INPP4B: variants seen among roughly 807,000 people sequenced by gnomAD.
INPP4B encodes inositol polyphosphate-4-phosphatase type II B, also known as inositol polyphosphate 4-phosphatase type II.
In INPP4B, 55 loss-of-function variants were observed where a neutral mutation model predicts 122.5. That is an observed-to-expected ratio of 0.45 (90% CI 0.36 to 0.56). INPP4B has a LOEUF of 0.56. Ranked by LOEUF, INPP4B falls within the 20% of genes least tolerant of loss-of-function variation. The probability of loss-of-function intolerance (pLI) is 0.00; values close to 1 mark genes in which losing one functional copy is unlikely to be tolerated. For synonymous variants in INPP4B, 403 were observed against 388.7 expected (o/e 1.04, Z -0.43); for missense variants, 1,000 against 1,097.7 (o/e 0.91, Z 1.26).
At chr4:142,268,103 C>G (rs1743711901) in intron 10 of INPP4B, among the ~76,000 whole-genome samples, 2 of 151,408 alleles carry the variant, frequency 1.3e-5, no homozygotes. Flanking sequence ...ACAGGCAGAT[C>G]ACGAAATCAG....
At chr4:142,064,858 A>T (rs1217742971) in intron 25 of INPP4B, among the ~76,000 whole-genome samples, 1 of 152,218 alleles carries the variant, frequency 6.6e-6, no homozygotes, top group Non-Finnish European at 1.5e-5. Context: ...AGTCAAAGTG[A>T]TTTGAAAACT....
chr4:142,350,420 A>G (rs982497278), intron 7 of INPP4B, among the ~76,000 whole-genome samples: 2 of 151,958 alleles, frequency 1.3e-5, no homozygotes, highest in African/African-American at 4.8e-5. Context: ...TTCTTTGGTA[A>G]AACAAAAAAC....
intron 2 of INPP4B, among the ~76,000 whole-genome samples, chr4:142,623,355 A>G (rs1211405214): frequency 6.6e-6 from 1 of 151,826 alleles, no homozygotes; most frequent in Non-Finnish European, 1.5e-5. Flanking sequence ...GTGAACCCTT[A>G]GCACCATGCC....
intron 2 of INPP4B, among the ~76,000 whole-genome samples, chr4:142,635,143 A>C (rs1748826446): frequency 6.6e-6 from 1 of 152,170 alleles, no homozygotes; most frequent in Non-Finnish European, 1.5e-5. Flanking sequence ...AATGCAAATC[A>C]AAACCACTAT....
At chr4:142,029,974 T>TTAG in intron 25 of INPP4B, 1 of 1,380,174 alleles carries the variant, frequency 7.2e-7, no homozygotes, top group Non-Finnish European at 9.4e-7. Flanking sequence ...GCATAGTACT[T>TTAG]TTTGTTTTTT....
intron 1 of INPP4B, among the ~76,000 whole-genome samples, chr4:142,804,508 A>C (rs1465972011): frequency 1.3e-5 from 2 of 152,168 alleles, no homozygotes; most frequent in Non-Finnish European, 2.9e-5. Flanking sequence ...AGTAAGGCTT[A>C]TGCTGACCAT....
chr4:142,309,466 A>C (rs958794024), intron 8 of INPP4B, among the ~76,000 whole-genome samples: 1 of 152,178 alleles, frequency 6.6e-6, no homozygotes, highest in East Asian at 1.9e-4. Flanking sequence ...TAGATTACAT[A>C]GGATGTTTAA....
At chr4:142,844,339 G>A (rs1316824839) in intron 1 of INPP4B, among the ~76,000 whole-genome samples, 1 of 152,210 alleles carries the variant, frequency 6.6e-6, no homozygotes, top group Non-Finnish European at 1.5e-5. Context: ...AATAAGAGCA[G>A]TATTTCAATC....
chr4:142,177,955 T>C (rs909151493), intron 15 of INPP4B, among the ~76,000 whole-genome samples: 6 of 152,320 alleles, frequency 3.9e-5, no homozygotes, highest in Admixed American at 2.0e-4. Flanking sequence ...CTTTTGTCTA[T>C]ATGTCCCTCC....
intron 1 of INPP4B, among the ~76,000 whole-genome samples, chr4:142,797,643 A>T (rs200302223): frequency 1.3e-5 from 2 of 151,936 alleles, no homozygotes; most frequent in East Asian, 3.9e-4. Context: ...GAATATCCTA[A>T]GTGCTTCCAA....
At chr4:142,267,651 T>C (rs1489430719) in intron 10 of INPP4B, among the ~76,000 whole-genome samples, 2 of 152,154 alleles carry the variant, frequency 1.3e-5, no homozygotes, top group Non-Finnish European at 2.9e-5. Flanking sequence ...CTCCATGACA[T>C]TGTTCTGGGC....
At chr4:142,339,433 A>G (rs1777931210) in intron 7 of INPP4B, among the ~76,000 whole-genome samples, 1 of 152,244 alleles carries the variant, frequency 6.6e-6, no homozygotes, top group Non-Finnish European at 1.5e-5. Flanking sequence ...CTCAGAGAAT[A>G]TAATCAGGAA....
intron 24 of INPP4B, among the ~76,000 whole-genome samples, chr4:142,083,850 G>A (rs950875604): frequency 6.6e-6 from 1 of 151,746 alleles, no homozygotes; most frequent in African/African-American, 2.4e-5. Flanking sequence ...GACCATAATG[G>A]CTATTTATGA....
intron 2 of INPP4B, among the ~76,000 whole-genome samples, chr4:142,490,901 C>CT (rs1560717048): frequency 6.6e-6 from 1 of 152,142 alleles, no homozygotes; most frequent in African/African-American, 2.4e-5. Context: ...GGATTTCCTA[C>CT]TTTTTAAGGC....
chr4:142,108,873 T>A (rs1219799457), intron 22 of INPP4B, among the ~76,000 whole-genome samples: 1 of 152,134 alleles, frequency 6.6e-6, no homozygotes, highest in African/African-American at 2.4e-5. Flanking sequence ...TATAAAAGGA[T>A]GCTATGTAAA....
chr4:142,045,264 A>G (rs1750694453), intron 25 of INPP4B, among the ~76,000 whole-genome samples: 1 of 152,142 alleles, frequency 6.6e-6, no homozygotes, highest in Non-Finnish European at 1.5e-5. Flanking sequence ...ACATATACAC[A>G]AACAAACACA....
intron 7 of INPP4B, among the ~76,000 whole-genome samples, chr4:142,399,188 G>GTTTTTTTT (rs1562013473): frequency 3.1e-5 from 2 of 63,988 alleles, no homozygotes; most frequent in Non-Finnish European, 6.5e-5. Context: ...ATTTCCTTTT[G>GTTTTTTTT]CTTTTTTTTT....
chr4:142,526,352 T>A (rs1227682601), intron 2 of INPP4B, among the ~76,000 whole-genome samples: 3 of 152,074 alleles, frequency 2.0e-5, no homozygotes, highest in Non-Finnish European at 4.4e-5. Context: ...TGTTGTGCTA[T>A]CTATTTTCAG....
chr4:142,670,308 T>C (rs1021262576), intron 2 of INPP4B, among the ~76,000 whole-genome samples: 3 of 152,096 alleles, frequency 2.0e-5, no homozygotes, highest in African/African-American at 7.2e-5. Context: ...TGCAAAATAA[T>C]TAAAATAAAG....
Sources: allele counts gnomAD v4.1 joint callset (sites outside exome capture counted in the v4.1 genomes callset), GRCh38; gene constraint gnomAD v4.1.1; transcripts MANE v1.5; gene names NCBI Gene and HGNC (gene_info 2026-07-23, HGNC 2026-07-21).